The following ADORA2A variants were observed in gnomAD, a reference collection of about 807,000 sequenced individuals.
ADORA2A encodes the protein adenosine A2a receptor, also known as adenosine receptor A2a.
A neutral mutation model predicts 18.4 loss-of-function variants in ADORA2A; 11 were observed. The ratio of observed to expected loss-of-function variants is 0.60; its 90% CI spans 0.38 to 0.99. The LOEUF is 0.99. Ranked by LOEUF, ADORA2A falls within the 50% of genes least tolerant of loss-of-function variation. The probability of loss-of-function intolerance (pLI) is 0.01; values close to 1 mark genes in which losing one functional copy is unlikely to be tolerated. For synonymous variants in ADORA2A, 218 were observed against 237.3 expected, an observed-to-expected ratio of 0.92 and a Z score of 0.75; for missense variants, 449 against 556.1, an observed-to-expected ratio of 0.81 and a Z score of 1.94.
Position 24,440,744 on chromosome 22 carries a change from C to T in ADORA2A, c.494C>T (p.Ala165Val). ...CAGGGCTGCGGGGAGGGCCAAGTGG[C>T]CTGTCTCTTTGAGGATGTGGTCCCC... Reference protein sequence around the residue: ...HSQGCGEGQVACLFEDVVPMN... With the variant: ...HSQGCGEGQVVCLFEDVVPMN... The change falls in exon 3 of 3, where the codon GCC (alanine) becomes GTC (valine). Residue 165 changes from alanine to valine, a missense_variant. Physicochemically the swap from Ala to Val is moderately conservative, Grantham distance 64. Transcript: ENST00000337539. The T allele has an allele frequency of 3.1e-6, 5 of 1,614,204 alleles. No individual in the cohort carries two copies. Among genetic ancestry groups the T allele is most frequent in the Non-Finnish European group, 4.2e-6 (5 of 1,180,038 alleles).
intron 2 of ADORA2A, among the ~76,000 whole-genome samples, chr22:24,436,368 G>C (rs1365461267): frequency 6.6e-6 from 1 of 152,044 alleles, no homozygotes; most frequent in Non-Finnish European, 1.5e-5. Flanking sequence ...CTAGCCCTGG[G>C]TCTAGCCTCA....
rs1353797971 is a variant in ADORA2A, at chr22:24,441,602, G to A, written c.*113G>A. ...GTGCCAGGAGACCCTGAGGGCAGCC[G>A]GTTCCTACTTTGGACTGAGAGAAGG... On this transcript the variant is annotated 3_prime_UTR_variant, in exon 3 of 3. Transcript: ENST00000337539. 30 of 1,145,534 alleles carry A rather than the reference G, an allele frequency of 2.6e-5. No individual in the cohort carries two copies. Among genetic ancestry groups the A allele is most frequent in the Middle Eastern group, 2.2e-4 (1 of 4,486 alleles). 71.0% of individuals were successfully genotyped at this position (1,145,534 alleles called of 1,614,324 possible). A position where few individuals can be genotyped will look rare whatever the true frequency, so the allele number is the denominator to read the frequency against.
intron 2 of ADORA2A, among the ~76,000 whole-genome samples, chr22:24,437,569 C>T (rs2043210930): frequency 6.6e-6 from 1 of 152,168 alleles, no homozygotes; most frequent in African/African-American, 2.4e-5. Flanking sequence ...TTTGCCCACT[C>T]TAAAACATTA....
rs200301292 is a variant in ADORA2A at position 24,433,372 on chromosome 22, C to T, written c.-33C>T. The T allele has an allele frequency of 3.1e-5, 49 of 1,559,528 alleles. 1 individual carries two copies. Among genetic ancestry groups the T allele is most frequent in the South Asian group, 6.9e-5 (6 of 87,322 alleles). On this transcript the variant is annotated 5_prime_UTR_variant, in exon 2 of 3. Coordinates refer to ENST00000337539, the MANE Select transcript of ADORA2A (RefSeq NM_000675.6). ...ATGGACCGTGAGCTGGCCCAGCCCG[C>T]GTCCGTGCTGAGCCTGCCTGTCGTC... is the stretch of plus-strand genomic sequence containing the variant.
Position 24,441,045 on chromosome 22 carries a change from C to T in ADORA2A, c.795C>T (p.Ala265=), listed in dbSNP as rs200000322. 291 of 1,614,176 alleles carry T rather than the reference C, an allele frequency of 1.8e-4. 1 individual carries two copies. Among genetic ancestry groups the T allele is most frequent in the East Asian group, 1.3e-3 (59 of 44,892 alleles). ...TCTTCTGCCCCGACTGCAGCCACGC[C>T]CCTCTCTGGCTCATGTACCTGGCCA... is the stretch of plus-strand genomic sequence containing the variant. ...FTFFCPDCSH[A]PLWLMYLAIV... is the part of the protein sequence containing the mutation. The change falls in exon 3 of 3, where the codon GCC becomes GCT. Residue 265 remains alanine, a synonymous_variant. Transcript: ENST00000337539.
At chr22:24,428,572 T>A (rs376191024) in intron 1 of ADORA2A, among the ~76,000 whole-genome samples, 22 of 152,258 alleles carry the variant, frequency 1.4e-4, no homozygotes, top group African/African-American at 5.3e-4. Flanking sequence ...TTTCTTTGCC[T>A]CTTTGGAGAT....
rs372335618 is a variant in ADORA2A at position 24,440,722 on chromosome 22, G to A, written c.472G>A (p.Gly158Ser). 4.0e-5 allele frequency: 64 copies of A among 1,614,096 alleles called. 1 individual carries two copies. Among genetic ancestry groups the A allele is most frequent in the Non-Finnish European group, 5.3e-5 (63 of 1,180,042 alleles). ...QPKEGKNHSQ[G>S]CGEGQVACLF... ...AAAGGAGGGCAAGAACCACTCCCAG[G>A]GCTGCGGGGAGGGCCAAGTGGCCTG... Residue 158 changes from glycine (G) to serine (S), a missense_variant, in exon 3 of 3, where the codon GGC becomes AGC. By Grantham distance (56) the Gly-to-Ser change is moderately conservative. Coordinates refer to ENST00000337539, the MANE Select transcript of ADORA2A (RefSeq NM_000675.6).
intron 1 of ADORA2A, chr22:24,430,248 G>A (rs1356891602): frequency 7.6e-6 from 1 of 131,750 alleles, no homozygotes; most frequent in Non-Finnish European, 1.8e-5. Flanking sequence ...GAGCCTGCAG[G>A]AGTGCTTAAG....
At chr22:24,434,463 G>T (rs556390203) in intron 2 of ADORA2A, among the ~76,000 whole-genome samples, 23 of 152,332 alleles carry the variant, frequency 1.5e-4, no homozygotes, top group Admixed American at 5.9e-4. Context: ...GATTTTCCCA[G>T]AGGCTGAATT....
Position 24,440,814 on chromosome 22 carries a change from G to T in ADORA2A, c.564G>T (p.Val188=). The T allele has an allele frequency of 4.3e-6, 7 of 1,614,194 alleles. No homozygotes were observed. The highest frequency in any genetic ancestry group is 5.9e-6 in the Non-Finnish European group (7 of 1,180,044). ...VYFNFFACVL[V]PLLLMLGVYL... ...TCAACTTCTTTGCCTGTGTGCTGGT[G>T]CCCCTGCTGCTCATGCTGGGTGTCT... The change falls in exon 3 of 3, where the codon GTG becomes GTT. Residue 188 remains valine (V), a synonymous_variant. Transcript: ENST00000337539.
chr22:24,437,770 A>G (rs2043215784), intron 2 of ADORA2A, among the ~76,000 whole-genome samples: 1 of 152,226 alleles, frequency 6.6e-6, no homozygotes. Context: ...AGTACGGTGG[A>G]AGACTCCCCT....
At chr22:24,439,071 C>CTTTTTTTTT (rs868563988) in intron 2 of ADORA2A, among the ~76,000 whole-genome samples, 1 of 77,904 alleles carries the variant, frequency 1.3e-5, no homozygotes, top group Non-Finnish European at 3.1e-5. Context: ...TCCCCTTGCA[C>CTTTTTTTTT]CTTTTTTTTT....
At chr22:24,438,181 CCACT>C (rs1303180502) in intron 2 of ADORA2A, 2 of 152,258 alleles carry the variant, frequency 1.3e-5, no homozygotes, top group African/African-American at 2.4e-5. Context: ...TAATTTCCAC[CCACT>C]GATTCTCCAT....
chr22:24,440,006 G>A (rs961891649), intron 2 of ADORA2A, among the ~76,000 whole-genome samples: 6 of 152,208 alleles, frequency 3.9e-5, no homozygotes, highest in Admixed American at 2.0e-4. Flanking sequence ...CAAGTCAAAT[G>A]GCAAATGGGG....
intron 2 of ADORA2A, 150 bp downstream of exon 2, chr22:24,433,886 C>T: frequency 1.1e-6 from 1 of 886,732 alleles, no homozygotes; most frequent in Non-Finnish European, 1.7e-6. Context: ...AGCAGGGGCT[C>T]CCCAGGGCCA....
In ADORA2A at chr22:24,441,137, G is replaced by A. The variant is rs199792438; in HGVS notation, c.887G>A (p.Arg296His). Residue 296 changes from arginine to histidine, a missense_variant, in exon 3 of 3, where the codon CGC becomes CAC. Coordinates refer to ENST00000337539, the MANE Select transcript of ADORA2A (RefSeq NM_000675.6). ...TACGCCTACCGTATCCGCGAGTTCC[G>A]CCAGACCTTCCGCAAGATCATTCGC... is the stretch of plus-strand genomic sequence containing the variant. ...FIYAYRIREFRQTFRKIIRSH... is the reference protein window; with the variant it reads ...FIYAYRIREFHQTFRKIIRSH... 7.4e-6 allele frequency: 12 copies of A among 1,614,014 alleles called. No individual in the cohort carries two copies. The East Asian group carries it at 2.2e-4, about 30-fold the overall frequency.
At chr22:24,437,012 G>A (rs1268940510) in intron 2 of ADORA2A, among the ~76,000 whole-genome samples, 1 of 152,204 alleles carries the variant, frequency 6.6e-6, no homozygotes, top group South Asian at 2.1e-4. Flanking sequence ...AGGTTTCCCT[G>A]TGGGTCCATG....
At chr22:24,435,387 G>C (rs1417285697) in intron 2 of ADORA2A, among the ~76,000 whole-genome samples, 1 of 152,220 alleles carries the variant, frequency 6.6e-6, no homozygotes, top group Non-Finnish European at 1.5e-5. Flanking sequence ...ACACTGATGG[G>C]ATGCTCTATG....
rs749863627 is a variant in ADORA2A at position 24,441,305 on chromosome 22, C to T, written c.1055C>T (p.Pro352Leu). Residue 352 changes from proline (P) to leucine (L), a missense_variant, in exon 3 of 3, where the codon CCC becomes CTC. Physicochemically the swap from Pro to Leu is moderately conservative, Grantham distance 98. Transcript: ENST00000337539. ...GGAGTGTGGGCCAACGGCAGTGCTC[C>T]CCACCCTGAGCGGAGGCCCAATGGC... is the stretch of plus-strand genomic sequence containing the variant. The part of the protein sequence containing the change: ...PPGVWANGSA[P>L]HPERRPNGYA... The T allele has an allele frequency of 2.5e-6, 4 of 1,609,356 alleles. No homozygotes were observed. Among genetic ancestry groups the T allele is most frequent in the Non-Finnish European group, 2.5e-6 (3 of 1,177,210 alleles).
Sources: gnomAD v4.1 joint callset for allele counts (sites outside exome capture counted in the v4.1 genomes callset) on GRCh38, gnomAD v4.1.1 for gene constraint, MANE v1.5 for transcripts, NCBI Gene and HGNC (gene_info 2026-07-23, HGNC 2026-07-21) for gene names.